The following STAT3 variants were observed in gnomAD, a reference collection of about 807,000 sequenced individuals.
STAT3 encodes the protein signal transducer and activator of transcription 3, also known as DNA-binding protein APRF.
In STAT3, 7 loss-of-function variants were observed where a neutral mutation model predicts 114.3. That is an observed-to-expected ratio of 0.06 (90% CI 0.03 to 0.11). The LOEUF is 0.11. Ranked by LOEUF, STAT3 falls within the 10% of genes least tolerant of loss-of-function variation. The pLI, the probability that STAT3 is intolerant of heterozygous loss-of-function variation, is 1.00. For synonymous variants in STAT3, 331 were observed against 354.5 expected (o/e 0.93, Z 0.74); for missense variants, 364 against 960.9 (o/e 0.38, Z 8.21).
chr17:42,319,348 C>T (rs1021194877), intron 21 of STAT3, among the ~76,000 whole-genome samples: 1 of 151,882 alleles, frequency 6.6e-6, no homozygotes, highest in Non-Finnish European at 1.5e-5. Flanking sequence ...TCGAGACCAG[C>T]CTGGCCAACA....
At position 42,323,365 on chromosome 17, in the gene STAT3, G is replaced by A; in HGVS notation, c.1654-11C>T. 1 of 1,614,040 alleles carries A rather than the reference G, an allele frequency of 6.2e-7. No homozygotes were observed. ...GCCAGCCATGTTTTCCTGGAGAAAA[G>A]AGTAATGGGAAAGCCAAGTCTACTG... On this transcript the variant is annotated splice_polypyrimidine_tract_variant and intron_variant, in intron 18 of 23. Transcript: ENST00000264657.
intron 23 of STAT3, 34 bp downstream of exon 23, chr17:42,316,755 T>C: frequency 6.2e-7 from 1 of 1,612,438 alleles, no homozygotes; most frequent in Middle Eastern, 1.7e-4. Context: ...CCAACTTCCC[T>C]TATAGGGACA....
At chr17:42,361,611 T>C (rs533496807) in intron 1 of STAT3, among the ~76,000 whole-genome samples, 1 of 152,196 alleles carries the variant, frequency 6.6e-6, no homozygotes, top group East Asian at 1.9e-4. Context: ...CAACTCTGAA[T>C]ACGCCTCAGA....
intron 11 of STAT3, 118 bp from the exon 12 acceptor site, chr17:42,329,894 A>G: frequency 8.5e-7 from 1 of 1,169,806 alleles, no homozygotes; most frequent in South Asian, 1.3e-5. Context: ...GCATTTCTTT[A>G]AACTATTCAG....
intron 8 of STAT3, among the ~76,000 whole-genome samples, chr17:42,335,853 ACT>A (rs1425499691): frequency 3.9e-5 from 6 of 152,048 alleles, no homozygotes; most frequent in Admixed American, 2.6e-4. Flanking sequence ...ACAGAGTGAG[ACT>A]CTGTCTCAAA....
In STAT3 at chr17:42,324,103, G is replaced by A. The variant is rs1448006897; in HGVS notation, c.1601-478C>T. Among the ~76,000 whole-genome samples the A allele has an allele frequency of 2.6e-5, 4 of 152,102 alleles. No individual in the cohort carries two copies. The highest frequency in any genetic ancestry group is 6.5e-5 in the Admixed American group (1 of 15,270). ...TAGGAGGCCGAGGTGGGCGGATCAC[G>A]AGGTGAAGAGACGGAGACTATCCTG... On this transcript the variant is annotated intron_variant, in intron 17 of 23. Transcript: ENST00000264657. The surrounding 1 kb of genome is among the most constrained non-coding windows in gnomAD (Gnocchi z 4.5).
At chr17:42,360,202 C>CT (rs2083446152) in intron 1 of STAT3, among the ~76,000 whole-genome samples, 1 of 149,742 alleles carries the variant, frequency 6.7e-6, no homozygotes, top group Non-Finnish European at 1.5e-5. Context: ...CTTGTTTTTT[C>CT]TTTTTTTTAA....
chr17:42,322,870 GT>G, intron 20 of STAT3, 133 bp downstream of exon 20: 1 of 1,275,120 alleles, frequency 7.8e-7, no homozygotes, highest in East Asian at 2.3e-5. Flanking sequence ...ACGCAAATGT[GT>G]TTTGCGAGTC....
chr17:42,329,080 C>A (rs1420236707), intron 14 of STAT3, among the ~76,000 whole-genome samples: 1 of 152,112 alleles, frequency 6.6e-6, no homozygotes, highest in East Asian at 1.9e-4. Context: ...GGGTCAGCCG[C>A]AGGAGCTGGA....
chr17:42,353,753 T>C lies in STAT3; in HGVS notation c.-23-5214A>G, dbSNP rs141412247. ...ATGTTCAGCTAATTTTTTGTAGTTTTTGTAGAGACAAGGTCTCATTTTGTT... is the reference window on the plus strand; with the variant it reads ...ATGTTCAGCTAATTTTTTGTAGTTTCTGTAGAGACAAGGTCTCATTTTGTT... On this transcript the variant is annotated intron_variant, in intron 1 of 23. Transcript: ENST00000264657. Among the ~76,000 whole-genome samples, 10 of 152,216 alleles carry C rather than the reference T, an allele frequency of 6.6e-5. 1 individual carries two copies. The highest frequency in any genetic ancestry group is 1.9e-4 in the African/African-American group (8 of 41,524).
chr17:42,352,807 C>T (rs2083035524), intron 1 of STAT3, among the ~76,000 whole-genome samples: 1 of 152,174 alleles, frequency 6.6e-6, no homozygotes, highest in African/African-American at 2.4e-5. Flanking sequence ...TAAACCTACA[C>T]AGTCCAGTAT....
At chr17:42,372,557 A>G (rs945638229) in intron 1 of STAT3, among the ~76,000 whole-genome samples, 1 of 152,232 alleles carries the variant, frequency 6.6e-6, no homozygotes, top group Non-Finnish European at 1.5e-5. Flanking sequence ...CAGCAGAGGA[A>G]TGAATAGGTG....
In STAT3 at chr17:42,388,274, T is replaced by C. The variant is rs1222481585; in HGVS notation, c.-24+5A>G. The C allele has an allele frequency of 1.3e-5, 16 of 1,231,426 alleles. No homozygotes were observed. The highest frequency in any genetic ancestry group is 1.6e-5 in the Non-Finnish European group (16 of 987,922). The allele number at this position is 1,231,426 out of a possible 1,614,324, so 76.3% of individuals were successfully genotyped here. On this transcript the variant is annotated splice_donor_5th_base_variant and intron_variant, in intron 1 of 23. Coordinates refer to ENST00000264657, the MANE Select transcript of STAT3 (RefSeq NM_139276.3). ...CCCAACGGCCCCACCCTGCACCCCCTTCACCTGTTTCTCCGGCAGAGGCCG... is the reference window on the plus strand; with the variant it reads ...CCCAACGGCCCCACCCTGCACCCCCCTCACCTGTTTCTCCGGCAGAGGCCG...
chr17:42,363,191 C>T (rs532128049), intron 1 of STAT3, among the ~76,000 whole-genome samples: 2 of 152,198 alleles, frequency 1.3e-5, no homozygotes, highest in African/African-American at 2.4e-5. Flanking sequence ...GACACTGCGC[C>T]CAATTAGAAA....
intron 1 of STAT3, among the ~76,000 whole-genome samples, chr17:42,368,076 C>T (rs1449666549): frequency 6.6e-6 from 1 of 152,242 alleles, no homozygotes; most frequent in African/African-American, 2.4e-5. Context: ...CAGTAGTGGA[C>T]GTCTAGTCCC....
chr17:42,359,857 G>A (rs1428766103), intron 1 of STAT3, among the ~76,000 whole-genome samples: 4 of 151,782 alleles, frequency 2.6e-5, no homozygotes, highest in African/African-American at 4.8e-5. Flanking sequence ...ACAGGAGATC[G>A]AGACCATCCT....
chr17:42,313,613 C>T lies in STAT3; in HGVS notation c.*2132G>A, dbSNP rs2081153073. On this transcript the variant is annotated 3_prime_UTR_variant, in exon 24 of 24. Transcript: ENST00000264657. The stretch of plus-strand genomic sequence containing the variant: ...TGTTCTTTAATGGGCCACAACAGGG[C>T]TCAGCTCCTCTCAGAACTTTTGCTA... The T allele has an allele frequency of 4.3e-6, 1 of 230,934 alleles. No individual in the cohort carries two copies. Among genetic ancestry groups the T allele is most frequent in the Non-Finnish European group, 8.6e-6 (1 of 116,296 alleles). 14.3% of individuals were successfully genotyped at this position (230,934 alleles called of 1,614,324 possible).
intron 1 of STAT3, among the ~76,000 whole-genome samples, chr17:42,384,124 A>AT (rs1202429954): frequency 0.017 from 1,415 of 81,682 alleles, 12 homozygotes; most frequent in East Asian, 0.049. Flanking sequence ...TTATTTATTT[A>AT]TTTATTTATT....
intron 1 of STAT3, among the ~76,000 whole-genome samples, chr17:42,349,032 A>AT (rs1392349006): frequency 6.6e-6 from 1 of 151,684 alleles, no homozygotes; most frequent in Non-Finnish European, 1.5e-5. Flanking sequence ...TGCCACACTC[A>AT]TTTTTTAAAA....
Sources: gnomAD v4.1 joint callset for allele counts (sites outside exome capture counted in the v4.1 genomes callset) on GRCh38, gnomAD v4.1.1 for gene constraint, Gnocchi (gnomAD v3.1) non-coding constraint, MANE v1.5 for transcripts, NCBI Gene and HGNC (gene_info 2026-07-23, HGNC 2026-07-21) for gene names.